Variants in NOCT observed in about 807,000 individuals in gnomAD.
NOCT encodes the protein CCR4 carbon catabolite repression 4-like.
Under a neutral mutation model 35.0 loss-of-function variants are expected in NOCT, and 18 were observed. That is an observed-to-expected ratio of 0.51 (90% CI 0.36 to 0.76). The LOEUF is 0.76. NOCT is among the 30% of genes least tolerant of loss of function. The probability of loss-of-function intolerance (pLI) is 0.01; values close to 1 mark genes in which losing one functional copy is unlikely to be tolerated. For missense variants in NOCT, 479 were observed against 541.0 expected, an observed-to-expected ratio of 0.89 and a Z score of 1.14; for synonymous variants, 235 against 226.3, an observed-to-expected ratio of 1.04 and a Z score of -0.34.
intron 1 of NOCT, among the ~76,000 whole-genome samples, chr4:139,032,380 A>T (rs1176154038): frequency 6.6e-6 from 1 of 152,288 alleles, no homozygotes; most frequent in East Asian, 1.9e-4. Context: ...TGGCTGGCCC[A>T]TTGCCGTGAC....
intron 2 of NOCT, among the ~76,000 whole-genome samples, chr4:139,044,243 G>A (rs932198832): frequency 1.5e-5 from 2 of 137,418 alleles, no homozygotes; most frequent in South Asian, 4.8e-4. Flanking sequence ...TTCATTCTGA[G>A]TAGTGTCCAT....
At chr4:139,016,409 G>A (rs990319543) in intron 1 of NOCT, among the ~76,000 whole-genome samples, 2 of 151,986 alleles carry the variant, frequency 1.3e-5, no homozygotes, top group Non-Finnish European at 2.9e-5. Flanking sequence ...TCAGGTTCCC[G>A]CTTGACCCTT....
chr4:139,032,893 G>A (rs539645984), intron 1 of NOCT, among the ~76,000 whole-genome samples: 9 of 152,152 alleles, frequency 5.9e-5, no homozygotes, highest in African/African-American at 1.7e-4. Flanking sequence ...ATTGATACTC[G>A]AAAATTAAAA....
intron 1 of NOCT, among the ~76,000 whole-genome samples, chr4:139,026,782 C>A (rs1726525603): frequency 1.3e-5 from 2 of 151,846 alleles, no homozygotes; most frequent in African/African-American, 4.8e-5. Flanking sequence ...GAATTCCTGA[C>A]CTCAGGTGAT....
chr4:139,036,490 A>T (rs2148646075), intron 1 of NOCT, among the ~76,000 whole-genome samples: 1 of 152,330 alleles, frequency 6.6e-6, no homozygotes, highest in South Asian at 2.1e-4. Context: ...TGATGGACCA[A>T]GTGGTATAGT....
intron 2 of NOCT, 68 bp downstream of exon 2, chr4:139,043,411 C>T: frequency 3.4e-6 from 5 of 1,451,040 alleles, no homozygotes; most frequent in Non-Finnish European, 4.8e-6. Flanking sequence ...TCTGCACATC[C>T]ACAGTGCACT....
intron 1 of NOCT, among the ~76,000 whole-genome samples, chr4:139,023,585 T>G (rs1726460178): frequency 6.6e-6 from 1 of 152,126 alleles, no homozygotes; most frequent in Non-Finnish European, 1.5e-5. Context: ...AACCTCCGTC[T>G]CCCGGGTTCA....
In NOCT at chr4:139,015,892, C is replaced by T. The variant is rs1726282767; in HGVS notation, c.-90C>T. On this transcript the variant is annotated 5_prime_UTR_variant, in exon 1 of 3. Coordinates refer to ENST00000280614, the MANE Select transcript of NOCT (RefSeq NM_012118.4). ...GCCTGGGAGCATCCGCCCACACTGC[C>T]CGGACAGTCGGCTCGACTCGGTGCC... 2 of 1,076,338 alleles carry T rather than the reference C, an allele frequency of 1.9e-6. No homozygotes were observed. Among genetic ancestry groups the T allele is most frequent in the African/African-American group, 3.3e-5 (2 of 59,786 alleles). The allele number at this position is 1,076,338 out of a possible 1,614,324, so 66.7% of individuals were successfully genotyped here. A position where few individuals can be genotyped will look rare whatever the true frequency, so the allele number is the denominator to read the frequency against.
chr4:139,043,371 A>G, intron 2 of NOCT, 28 bp downstream of exon 2: 1 of 1,604,148 alleles, frequency 6.2e-7, no homozygotes, highest in East Asian at 2.2e-5. Context: ...GTGCCTCTGC[A>G]GTCAAGTTTG....
chr4:139,045,354 C>T lies in NOCT; in HGVS notation c.1176C>T (p.Leu392=), dbSNP rs141093326. 258 of 1,613,790 alleles carry T rather than the reference C, an allele frequency of 1.6e-4. No individual in the cohort carries two copies. Among genetic ancestry groups the T allele is most frequent in the Non-Finnish European group, 2.0e-4 (239 of 1,179,872 alleles). ...ATGCTCTAAATGTAAGGTCAGCTCTCGATCTGCTCACTGAAGAACAGATTG... is the reference window on the plus strand; with the variant it reads ...ATGCTCTAAATGTAAGGTCAGCTCTTGATCTGCTCACTGAAGAACAGATTG... ...SKHALNVRSA[L]DLLTEEQIGP... Residue 392 remains leucine (L), a synonymous_variant, in exon 3 of 3, where the codon CTC becomes CTT. Transcript: ENST00000280614.
intron 1 of NOCT, among the ~76,000 whole-genome samples, chr4:139,017,070 C>G (rs1215371804): frequency 6.6e-6 from 1 of 150,684 alleles, no homozygotes; most frequent in African/African-American, 2.4e-5. Context: ...TCACCAAGAG[C>G]TGTTTTCATA....
intron 1 of NOCT, among the ~76,000 whole-genome samples, chr4:139,042,076 T>TTTC (rs1248670116): frequency 2.7e-5 from 4 of 146,070 alleles, no homozygotes; most frequent in Non-Finnish European, 6.0e-5. Flanking sequence ...AAGATCTTTT[T>TTTC]TTTTTTTTTT....
intron 1 of NOCT, among the ~76,000 whole-genome samples, chr4:139,037,341 C>T (rs1726754346): frequency 6.6e-6 from 1 of 152,240 alleles, no homozygotes; most frequent in Admixed American, 6.5e-5. Context: ...TTATTCCATA[C>T]ATGAGTAGTG....
chr4:139,017,225 CT>C (rs547505786), intron 1 of NOCT, among the ~76,000 whole-genome samples: 1,392 of 122,816 alleles, frequency 0.011, 17 homozygotes, highest in African/African-American at 0.035. Context: ...CAATACATAA[CT>C]TTTTTTTTTT....
At chr4:139,035,250 A>G (rs1213218124) in intron 1 of NOCT, among the ~76,000 whole-genome samples, 1 of 151,964 alleles carries the variant, frequency 6.6e-6, no homozygotes, top group Non-Finnish European at 1.5e-5. Context: ...AGCCTCCCGA[A>G]TAGCTGGGAC....
Position 139,015,834 on chromosome 4 carries a change from G to T in NOCT, c.-148G>T. ...CTCCCTCTCCGGCTCTGCTGCCCGGGATTTCCCCAGAACCTGCGCCGCGCG... is the reference window on the plus strand; with the variant it reads ...CTCCCTCTCCGGCTCTGCTGCCCGGTATTTCCCCAGAACCTGCGCCGCGCG... On this transcript the variant is annotated 5_prime_UTR_variant, in exon 1 of 3. Transcript: ENST00000280614. The T allele has an allele frequency of 1.8e-6, 1 of 568,180 alleles. No individual in the cohort carries two copies. The highest frequency in any genetic ancestry group is 7.6e-5 in the South Asian group (1 of 13,152). The allele number at this position is 568,180 out of a possible 1,614,324, so 35.2% of individuals were successfully genotyped here. A position where few individuals can be genotyped will look rare whatever the true frequency, so the allele number is the denominator to read the frequency against.
rs765200259 is a variant in NOCT at position 139,045,340 on chromosome 4, G to A, written c.1162G>A (p.Val388Ile). 4 of 1,613,838 alleles carry A rather than the reference G, an allele frequency of 2.5e-6. No homozygotes were observed. The South Asian group carries it at 3.3e-5, about 13-fold the overall frequency. ...YIWYSKHALN[V>I]RSALDLLTEE... ...CTGGTATTCTAAACATGCTCTAAAT[G>A]TAAGGTCAGCTCTCGATCTGCTCAC... is the stretch of plus-strand genomic sequence containing the variant. Residue 388 changes from valine to isoleucine, a missense_variant, in exon 3 of 3, where the codon GTA becomes ATA. Val to Ile is a conservative substitution (Grantham distance 29). This residue lies in a region of NOCT where 214 missense variants were observed against 284.0 expected (regional missense o/e 0.75). Coordinates refer to ENST00000280614, the MANE Select transcript of NOCT (RefSeq NM_012118.4).
chr4:139,043,108 T>C lies in NOCT; in HGVS notation c.225T>C (p.Tyr75=). The part of the protein sequence containing the change: ...CSMGTGTSRL[Y]SALAKTLNSS... The stretch of plus-strand genomic sequence containing the variant: ...TGGGAACCGGTACAAGCAGACTCTA[T>C]AGTGCTCTCGCCAAGACACTGAACA... Residue 75 remains tyrosine (Y), a synonymous_variant, in exon 2 of 3, where the codon TAT becomes TAC. Transcript: ENST00000280614. The C allele has an allele frequency of 6.2e-7, 1 of 1,613,310 alleles. No individual in the cohort carries two copies. The highest frequency in any genetic ancestry group is 1.3e-5 in the African/African-American group (1 of 74,992).
At chr4:139,044,578 C>A in intron 2 of NOCT, 61 bp from the exon 3 acceptor site, 1 of 1,063,732 alleles carries the variant, frequency 9.4e-7, no homozygotes, top group Non-Finnish European at 1.4e-6. Flanking sequence ...GCCAAACCTC[C>A]TGGGTACTTT....
Sources: allele counts gnomAD v4.1 joint callset (sites outside exome capture counted in the v4.1 genomes callset), GRCh38; gene constraint gnomAD v4.1.1; regional missense constraint gnomAD v4.1.1; transcripts MANE v1.5; gene names NCBI Gene and HGNC (gene_info 2026-07-23, HGNC 2026-07-21).